The following CFAP299 variants were observed in gnomAD, a reference collection of about 807,000 sequenced individuals.
CFAP299 encodes the protein cilia- and flagella-associated protein 299.
Under a neutral mutation model 27.0 loss-of-function variants are expected in CFAP299, and 21 were observed. That is an observed-to-expected ratio of 0.78 (90% CI 0.55 to 1.12). The LOEUF is 1.12. Among genes scored for constraint, CFAP299 ranks in the 50% most tolerant of loss-of-function variants. The pLI, the probability that CFAP299 is intolerant of heterozygous loss-of-function variation, is 0.00. For missense variants in CFAP299, 310 were observed against 276.6 expected (o/e 1.12, Z -0.86); for synonymous variants, 104 against 98.1 (o/e 1.06, Z -0.36).
chr4:80,917,302 A>G, intron 4 of CFAP299, among the ~76,000 whole-genome samples: 1 of 152,154 alleles, frequency 6.6e-6, no homozygotes, highest in Admixed American at 6.6e-5. Flanking sequence ...TCTGAAAGAA[A>G]AGATACTGTC....
chr4:80,740,100 A>T (rs1426590986), intron 3 of CFAP299, among the ~76,000 whole-genome samples: 2 of 152,122 alleles, frequency 1.3e-5, no homozygotes, highest in African/African-American at 4.8e-5. Context: ...CAAGACAGCT[A>T]TTTTGAATTT....
At position 80,955,031 on chromosome 4, in the gene CFAP299, AAAACG is replaced by A. The variant is rs1737995768; in HGVS notation, c.607-8485_607-8481del. On this transcript the variant is annotated intron_variant, in intron 5 of 5. Coordinates refer to ENST00000358105, the MANE Select transcript of CFAP299 (RefSeq NM_152770.3). ...AAAAAAAAAAAAAAAAAAAAAAAAA[AAAACG>A]CACACATGGCCATATACAGAGTAGT... Among the ~76,000 whole-genome samples, 8 of 29,590 alleles carry A rather than the reference AAAACG, an allele frequency of 2.7e-4. 3 individuals are homozygous for A. The highest frequency in any genetic ancestry group is 1.1e-3 in the African/African-American group (8 of 7,524). 19.4% of individuals were successfully genotyped at this position (29,590 alleles called of 152,430 possible).
intron 4 of CFAP299, among the ~76,000 whole-genome samples, chr4:80,916,777 C>A (rs1309842859): frequency 6.6e-6 from 1 of 151,874 alleles, no homozygotes; most frequent in Non-Finnish European, 1.5e-5. Context: ...GAAAGTCAAG[C>A]CAAACTGCCA....
At chr4:80,424,691 G>T (rs1031230553) in intron 2 of CFAP299, among the ~76,000 whole-genome samples, 16 of 152,122 alleles carry the variant, frequency 1.1e-4, no homozygotes, top group Admixed American at 7.9e-4. Flanking sequence ...TAAAGAACAT[G>T]AAGACACAGT....
intron 2 of CFAP299, among the ~76,000 whole-genome samples, chr4:80,465,785 C>T (rs1483658111): frequency 6.6e-6 from 1 of 152,164 alleles, no homozygotes; most frequent in African/African-American, 2.4e-5. Flanking sequence ...GGAGCTTGTC[C>T]TCAACATTTT....
intron 3 of CFAP299, among the ~76,000 whole-genome samples, chr4:80,851,077 T>C: frequency 6.6e-6 from 1 of 152,082 alleles, no homozygotes; most frequent in Non-Finnish European, 1.5e-5. Flanking sequence ...TAGACTGATG[T>C]AGTAGACAGT....
intron 3 of CFAP299, among the ~76,000 whole-genome samples, chr4:80,786,904 A>T (rs567855494): frequency 3.2e-4 from 49 of 152,228 alleles, no homozygotes; most frequent in African/African-American, 1.0e-3. Flanking sequence ...CAAAATAATT[A>T]CTTTAAATGT....
At chr4:80,904,719 C>CT (rs1735097209) in intron 4 of CFAP299, among the ~76,000 whole-genome samples, 1 of 152,042 alleles carries the variant, frequency 6.6e-6, no homozygotes. Flanking sequence ...TTCAGCCTAG[C>CT]TTTGAAGGGA....
At chr4:80,880,748 A>T (rs35362331) in intron 4 of CFAP299, among the ~76,000 whole-genome samples, 15,468 of 138,762 alleles carry the variant, frequency 0.11, 1,357 homozygotes, top group African/African-American at 0.23. Flanking sequence ...AAAATAAAAT[A>T]AAATAAAATT....
At chr4:80,664,881 T>C (rs1741069829) in intron 3 of CFAP299, among the ~76,000 whole-genome samples, 1 of 152,124 alleles carries the variant, frequency 6.6e-6, no homozygotes, top group African/African-American at 2.4e-5. Flanking sequence ...GGAATCTCTG[T>C]TCTGTGGATT....
At chr4:80,657,735 A>T (rs964201274) in intron 3 of CFAP299, among the ~76,000 whole-genome samples, 2 of 151,974 alleles carry the variant, frequency 1.3e-5, no homozygotes, top group Non-Finnish European at 2.9e-5. Flanking sequence ...TCCATATAAA[A>T]TTTATAGTAG....
At chr4:80,905,996 A>G (rs1186325482) in intron 4 of CFAP299, among the ~76,000 whole-genome samples, 3 of 152,206 alleles carry the variant, frequency 2.0e-5, no homozygotes, top group Non-Finnish European at 4.4e-5. Flanking sequence ...ACATTCTAGC[A>G]TTAAACCAAA....
At chr4:80,332,270 C>G (rs1447821933), upstream of CFAP299, among the ~76,000 whole-genome samples, 2 of 152,288 alleles carry the variant, frequency 1.3e-5, no homozygotes, top group African/African-American at 4.8e-5. Flanking sequence ...TTGTAGACAG[C>G]TCTTTCCAAA....
intron 3 of CFAP299, among the ~76,000 whole-genome samples, chr4:80,750,364 A>C (rs1379529536): frequency 1.3e-5 from 2 of 152,148 alleles, no homozygotes. Flanking sequence ...GATATATCTT[A>C]TTATATATAA....
chr4:80,532,212 T>C (rs573867526), intron 2 of CFAP299, among the ~76,000 whole-genome samples: 2 of 152,360 alleles, frequency 1.3e-5, no homozygotes, highest in South Asian at 4.1e-4. Context: ...TTATGTATTG[T>C]AGATTTTGGC....
chr4:80,380,167 T>A (rs1396356529), intron 2 of CFAP299, among the ~76,000 whole-genome samples: 1 of 152,154 alleles, frequency 6.6e-6, no homozygotes, highest in African/African-American at 2.4e-5. Context: ...ATCTTCACTC[T>A]TGGCAAGATT....
intron 3 of CFAP299, among the ~76,000 whole-genome samples, chr4:80,782,632 TA>T: frequency 9.2e-6 from 1 of 108,118 alleles, no homozygotes; most frequent in Non-Finnish European, 2.0e-5. Flanking sequence ...TATATTCATA[TA>T]TAATATACAT....
At chr4:80,476,718 T>G (rs11721676) in intron 2 of CFAP299, among the ~76,000 whole-genome samples, 30,632 of 151,992 alleles carry the variant, frequency 0.2, 3,258 homozygotes, top group South Asian at 0.29. Flanking sequence ...ATTTCCAGCG[T>G]TTTTTATCCC....
chr4:80,411,478 A>AT (rs142752511), intron 2 of CFAP299, among the ~76,000 whole-genome samples: 3,175 of 152,136 alleles, frequency 0.021, 49 homozygotes, highest in Non-Finnish European at 0.031. Context: ...AAACAATCTA[A>AT]TTTTTTTATC....
Sources: gnomAD v4.1 joint callset for allele counts (sites outside exome capture counted in the v4.1 genomes callset) on GRCh38, gnomAD v4.1.1 for gene constraint, MANE v1.5 for transcripts, NCBI Gene and HGNC (gene_info 2026-07-23, HGNC 2026-07-21) for gene names.